The following NLGN4Y variants were observed in gnomAD, a reference collection of about 807,000 sequenced individuals.
The protein encoded by NLGN4Y is neuroligin 4 Y-linked.
In NLGN4Y, 4 loss-of-function variants were observed where a neutral mutation model predicts 8.4. The ratio of observed to expected loss-of-function variants is 0.48; its 90% CI spans 0.23 to 1.09. The LOEUF is 1.09. Ranked by LOEUF, NLGN4Y falls within the 50% of genes least tolerant of loss-of-function variation. The pLI is 0.19. For missense variants in NLGN4Y, 90 were observed against 192.3 expected (o/e 0.47, Z 3.15); for synonymous variants, 35 against 75.6 (o/e 0.46, Z 2.78).
chrY:14,777,794 G>A (rs2150575478), intron 4 of NLGN4Y, among the ~76,000 whole-genome samples: 3 of 31,923 alleles, frequency 9.4e-5, no homozygotes, highest in African/African-American at 3.7e-4. Context: ...GGATGTTGAG[G>A]CAGGAGGAAT....
intron 4 of NLGN4Y, among the ~76,000 whole-genome samples, chrY:14,757,334 A>G: frequency 3.0e-5 from 1 of 32,931 alleles, no homozygotes; most frequent in East Asian, 7.9e-4. Flanking sequence ...TTCAAGGTTG[A>G]ATTTTTGTTT....
chrY:14,555,379 T>C (rs2080207669), intron 1 of NLGN4Y, among the ~76,000 whole-genome samples: 2 of 32,889 alleles, frequency 6.1e-5, no homozygotes, highest in African/African-American at 2.4e-4. Context: ...TGTATCCTCA[T>C]GTGGTGGAAG....
At chrY:14,832,520 C>T (rs2043183217) in intron 6 of NLGN4Y, among the ~76,000 whole-genome samples, 1 of 34,026 alleles carries the variant, frequency 2.9e-5, no homozygotes, top group East Asian at 7.9e-4. Context: ...GTGCCAAAAT[C>T]TGTATGGCTG....
chrY:14,590,431 G>A, intron 1 of NLGN4Y, among the ~76,000 whole-genome samples: 1 of 33,770 alleles, frequency 3.0e-5, no homozygotes, highest in African/African-American at 1.2e-4. Context: ...CTGCATAGGG[G>A]TGAAGAAGGG....
intron 1 of NLGN4Y, among the ~76,000 whole-genome samples, chrY:14,576,704 G>A (rs755808378): frequency 2.1e-4 from 7 of 33,220 alleles, no homozygotes; most frequent in South Asian, 2.0e-3. Flanking sequence ...GTTCCTATTC[G>A]GCCATCTTGG....
At chrY:14,576,795 G>A in intron 1 of NLGN4Y, among the ~76,000 whole-genome samples, 2 of 33,506 alleles carry the variant, frequency 6.0e-5, no homozygotes, top group Admixed American at 2.7e-4. Context: ...TTGAGATGGG[G>A]CAAGGGCCTG....
intron 1 of NLGN4Y, among the ~76,000 whole-genome samples, chrY:14,611,420 C>T (rs2080468330): frequency 4.9e-5 from 1 of 20,499 alleles, no homozygotes; most frequent in Non-Finnish European, 9.9e-5. Context: ...ATATTTAGTA[C>T]ATCCTTCAGG....
intron 1 of NLGN4Y, among the ~76,000 whole-genome samples, chrY:14,549,948 T>G (rs2080186086): frequency 2.9e-5 from 1 of 33,902 alleles, no homozygotes; most frequent in South Asian, 6.5e-4. Flanking sequence ...CATCTGCTCC[T>G]AATGAGCTTC....
chrY:14,798,490 A>G (rs2043020482), intron 4 of NLGN4Y: 1 of 33,018 alleles, frequency 3.0e-5, no homozygotes, highest in African/African-American at 1.2e-4. Context: ...TTGTTCTTCA[A>G]TTCTCTCTGT....
chrY:14,755,015 G>T, intron 4 of NLGN4Y, among the ~76,000 whole-genome samples: 2 of 33,158 alleles, frequency 6.0e-5, no homozygotes, highest in African/African-American at 2.4e-4. Flanking sequence ...TAGTTTTATA[G>T]GTAGTTTACA....
Position 14,842,373 on chromosome Y carries a change from T to G in NLGN4Y, c.*1111T>G, listed in dbSNP as rs759111140. The G allele has an allele frequency of 1.7e-5, 2 of 120,626 alleles. No homozygotes were observed. Among genetic ancestry groups the G allele is most frequent in the Non-Finnish European group, 3.6e-5 (2 of 55,963 alleles). The allele number at this position is 120,626 out of a possible 400,897, so 30.1% of individuals were successfully genotyped here. A position where few individuals can be genotyped will look rare whatever the true frequency, so the allele number is the denominator to read the frequency against. On this transcript the variant is annotated 3_prime_UTR_variant, in exon 7 of 7. Transcript: ENST00000684976. ...TGTAGTTCTTGCCCTTTGAATATAT[T>G]TGGGAAGAGTTGCTTCCTATTTCAG... is the stretch of plus-strand genomic sequence containing the variant.
intron 3 of NLGN4Y, among the ~76,000 whole-genome samples, chrY:14,722,146 G>T (rs2080937047): frequency 3.0e-5 from 1 of 33,113 alleles, no homozygotes. Flanking sequence ...TTAGGATGAT[G>T]ATGATACTAT....
chrY:14,702,611 G>A (rs2150545114), intron 2 of NLGN4Y, among the ~76,000 whole-genome samples: 2 of 33,082 alleles, frequency 6.0e-5, no homozygotes, highest in East Asian at 8.1e-4. Flanking sequence ...GAATAATGCC[G>A]CAATAAACGT....
intron 3 of NLGN4Y, among the ~76,000 whole-genome samples, 177 bp downstream of exon 3, chrY:14,719,695 T>G: frequency 3.1e-5 from 1 of 32,707 alleles, no homozygotes; most frequent in Non-Finnish European, 7.5e-5. Context: ...CCAGTTACCA[T>G]GTACTGGAAA....
intron 4 of NLGN4Y, among the ~76,000 whole-genome samples, chrY:14,819,116 T>C (rs2043113120): frequency 3.0e-5 from 1 of 33,113 alleles, no homozygotes; most frequent in Non-Finnish European, 7.4e-5. Context: ...CATGGGCTTT[T>C]TCCTATTCTC....
intron 4 of NLGN4Y, among the ~76,000 whole-genome samples, chrY:14,733,200 C>T: frequency 3.0e-5 from 1 of 33,892 alleles, no homozygotes; most frequent in Non-Finnish European, 7.3e-5. Flanking sequence ...TTCATTTTCT[C>T]TATATGACTT....
At chrY:14,653,144 A>T (rs2080635531) in intron 2 of NLGN4Y, among the ~76,000 whole-genome samples, 1 of 33,068 alleles carries the variant, frequency 3.0e-5, no homozygotes, top group Non-Finnish European at 7.4e-5. Flanking sequence ...ACAGCATTGT[A>T]TTCTATGACC....
At chrY:14,678,636 T>G in intron 2 of NLGN4Y, among the ~76,000 whole-genome samples, 1 of 32,966 alleles carries the variant, frequency 3.0e-5, no homozygotes, top group Non-Finnish European at 7.4e-5. Context: ...GCCATTCTTT[T>G]TCTTGCCCAC....
chrY:14,708,767 G>T, intron 2 of NLGN4Y, among the ~76,000 whole-genome samples: 1 of 33,603 alleles, frequency 3.0e-5, no homozygotes, highest in Non-Finnish European at 7.4e-5. Context: ...GTTGACTTTT[G>T]CTACATAAGG....
Sources: allele counts gnomAD v4.1 joint callset (sites outside exome capture counted in the v4.1 genomes callset), GRCh38; gene constraint gnomAD v4.1.1; transcripts MANE v1.5; gene names NCBI Gene and HGNC (gene_info 2026-07-23, HGNC 2026-07-21).